The following CTDP1 variants were observed in gnomAD, a reference collection of about 807,000 sequenced individuals.
CTDP1 encodes the protein CTD phosphatase 1, also known as RNA polymerase II subunit A C-terminal domain phosphatase.
CTDP1 carries 47 observed loss-of-function variants against 91.8 expected under a neutral mutation model. That is an observed-to-expected ratio of 0.51 (90% CI 0.41 to 0.65). The LOEUF (loss-of-function observed/expected upper bound fraction) is 0.65. Ranked by LOEUF, CTDP1 falls within the 30% of genes least tolerant of loss-of-function variation. The pLI, the probability that CTDP1 is intolerant of heterozygous loss-of-function variation, is 0.00. For synonymous variants in CTDP1, 656 were observed against 598.5 expected (o/e 1.10, Z -1.40); for missense variants, 1,272 against 1,373.7 (o/e 0.93, Z 1.17).
intron 10 of CTDP1, among the ~76,000 whole-genome samples, chr18:79,724,173 C>T (rs540449541): frequency 4.6e-5 from 7 of 152,290 alleles, no homozygotes; most frequent in African/African-American, 1.7e-4. Flanking sequence ...TCAGAGCATT[C>T]GGATTTGGGG....
rs1362218388 is a variant in CTDP1, at chr18:79,718,207, G to C, written c.2417+191G>C. Among the ~76,000 whole-genome samples, 3 of 152,278 alleles carry C rather than the reference G, an allele frequency of 2.0e-5. No homozygotes were observed. The East Asian group carries it at 5.8e-4, about 29-fold the overall frequency. On this transcript the variant is annotated intron_variant, in intron 10 of 12. Coordinates refer to ENST00000613122, the MANE Select transcript of CTDP1 (RefSeq NM_004715.5). Reference sequence around the variant, plus strand: ...TTGGGTCCTTTTGTTTTTCTCTCCTGTCTTGGGTCCCAAAACTAAAACAAA... The same window carrying C: ...TTGGGTCCTTTTGTTTTTCTCTCCTCTCTTGGGTCCCAAAACTAAAACAAA...
chr18:79,747,481 G>A (rs1051583162), intron 12 of CTDP1, among the ~76,000 whole-genome samples: 10 of 152,198 alleles, frequency 6.6e-5, no homozygotes, highest in East Asian at 1.9e-4. Flanking sequence ...AGCTCTTGCC[G>A]CCTGCTTTCC....
Position 79,717,672 on chromosome 18 carries a change from C to G in CTDP1, c.2206C>G (p.Gln736Glu), listed in dbSNP as rs757802799. 21 of 1,614,042 alleles carry G rather than the reference C, an allele frequency of 1.3e-5. No homozygotes were observed. Among genetic ancestry groups the G allele is most frequent in the Non-Finnish European group, 1.8e-5 (21 of 1,179,982 alleles). The change falls in exon 9 of 13, where the codon CAG becomes GAG. Residue 736 changes from glutamine to glutamate, a missense_variant. By Grantham distance (29) the Gln-to-Glu change is conservative (BLOSUM62 2). This residue lies in a region of CTDP1 where 881 missense variants were observed against 911.6 expected (regional missense o/e 0.97). Coordinates refer to ENST00000613122, the MANE Select transcript of CTDP1 (RefSeq NM_004715.5). ...FPLRDDHTKA[Q>E]RENSPAAFPD... ...GCTCAGGGACGATCACACCAAGGCA[C>G]AGAGGTGGGTCCTCGCTGCACCCAG...
chr18:79,735,565 T>A (rs1480095127), intron 11 of CTDP1: 1 of 152,490 alleles, frequency 6.6e-6, no homozygotes, highest in Non-Finnish European at 1.5e-5. Flanking sequence ...TTTCTGTGCG[T>A]CCTTCTCCCA....
intron 1 of CTDP1, among the ~76,000 whole-genome samples, chr18:79,688,730 A>G (rs2122417050): frequency 6.6e-6 from 1 of 151,590 alleles, no homozygotes; most frequent in Non-Finnish European, 1.5e-5. Context: ...TTTTTAGTAG[A>G]GACGATTTCA....
At chr18:79,705,026 G>T in intron 5 of CTDP1, 109 bp downstream of exon 5, 1 of 1,530,920 alleles carries the variant, frequency 6.5e-7, no homozygotes, top group Admixed American at 1.8e-5. Context: ...CTGCAACTCA[G>T]TTGTAGTCTT....
rs517479 is a variant in CTDP1, at chr18:79,710,122, A to G, written c.773-224A>G. On this transcript the variant is annotated intron_variant, in intron 5 of 12. Transcript: ENST00000613122. ...ACAAATTTTTCATGTTAGTAGAATT[A>G]TAAACACTTATCAACATGGTTTGTG... is the stretch of plus-strand genomic sequence containing the variant. Among the ~76,000 whole-genome samples the G allele has an allele frequency of 0.76, 115,732 of 152,110 alleles. 44,296 individuals are homozygous for G. The highest frequency in any genetic ancestry group is 0.79 in the Middle Eastern group (233 of 294).
At chr18:79,747,897 C>T (rs900218557) in intron 12 of CTDP1, among the ~76,000 whole-genome samples, 4 of 152,216 alleles carry the variant, frequency 2.6e-5, no homozygotes, top group African/African-American at 9.6e-5. Context: ...GCCGCACTGA[C>T]GGATATCTTT....
At position 79,718,035 on chromosome 18, in the gene CTDP1, A is replaced by G. The variant is rs749426219; in HGVS notation, c.2417+19A>G. Reference sequence around the variant, plus strand: ...CCTTCAGGTACGTGGCGGCCCAGCCACTGTCCCCAGCTAATGAGGGCTCTT... The same window carrying G: ...CCTTCAGGTACGTGGCGGCCCAGCCGCTGTCCCCAGCTAATGAGGGCTCTT... On this transcript the variant is annotated intron_variant, in intron 10 of 12. Transcript: ENST00000613122. 13 of 1,611,980 alleles carry G rather than the reference A, an allele frequency of 8.1e-6. No individual in the cohort carries two copies. Among genetic ancestry groups the G allele is most frequent in the East Asian group, 4.5e-5 (2 of 44,886 alleles).
intron 5 of CTDP1, among the ~76,000 whole-genome samples, chr18:79,706,829 C>T (rs1004684625): frequency 7.2e-5 from 11 of 152,244 alleles, no homozygotes; most frequent in Admixed American, 4.6e-4. Flanking sequence ...GGGAGGGTGA[C>T]GGGTTTGCCT....
chr18:79,723,345 G>A (rs190947031), intron 10 of CTDP1, among the ~76,000 whole-genome samples: 8 of 152,248 alleles, frequency 5.3e-5, no homozygotes, highest in East Asian at 1.9e-4. Flanking sequence ...AGGTGGCCCC[G>A]TCTCCCCACC....
At position 79,710,683 on chromosome 18, in the gene CTDP1, G is replaced by A. The variant is rs186289786; in HGVS notation, c.863+247G>A. On this transcript the variant is annotated intron_variant, in intron 6 of 12. Transcript: ENST00000613122. Reference sequence around the variant, plus strand: ...CTACAGGCACCCACCACCTCGCCCGGCAATTTTTTTTTTTTTTTTTTTTTT... The same window carrying A: ...CTACAGGCACCCACCACCTCGCCCGACAATTTTTTTTTTTTTTTTTTTTTT... Among the ~76,000 whole-genome samples, 4,652 of 130,890 alleles carry A rather than the reference G, an allele frequency of 0.036. 127 individuals are homozygous for A. Among genetic ancestry groups the A allele is most frequent in the Middle Eastern group, 0.056 (13 of 234 alleles). The allele number at this position is 130,890 out of a possible 152,430, so 85.9% of individuals were successfully genotyped here.
intron 1 of CTDP1, among the ~76,000 whole-genome samples, chr18:79,687,968 G>A (rs1434875903): frequency 1.3e-5 from 2 of 152,342 alleles, no homozygotes; most frequent in East Asian, 3.9e-4. Context: ...TGGCAGTGTT[G>A]AAGCTTTCCA....
chr18:79,683,707 G>T (rs1328776194), intron 1 of CTDP1, among the ~76,000 whole-genome samples: 2 of 152,356 alleles, frequency 1.3e-5, no homozygotes, highest in Non-Finnish European at 2.9e-5. Flanking sequence ...TCCCTCAAGG[G>T]CTTACTGGTT....
intron 2 of CTDP1, among the ~76,000 whole-genome samples, chr18:79,695,619 G>A (rs779721076): frequency 5.9e-5 from 9 of 152,210 alleles, no homozygotes; most frequent in South Asian, 2.1e-4. Flanking sequence ...CCTCTGGGCC[G>A]CTGAGCGCCC....
chr18:79,746,735 A>G (rs2086890825), intron 12 of CTDP1, among the ~76,000 whole-genome samples: 1 of 152,080 alleles, frequency 6.6e-6, no homozygotes, highest in Non-Finnish European at 1.5e-5. Flanking sequence ...TCCCGCCTCA[A>G]CCTTCCAAGT....
intron 12 of CTDP1, among the ~76,000 whole-genome samples, chr18:79,748,332 G>A (rs973614632): frequency 5.9e-5 from 9 of 152,198 alleles, no homozygotes; most frequent in East Asian, 1.9e-4. Flanking sequence ...ATCACGGAGC[G>A]AGACCGAGGG....
chr18:79,693,499 G>A (rs2085665811), intron 1 of CTDP1, among the ~76,000 whole-genome samples: 1 of 152,162 alleles, frequency 6.6e-6, no homozygotes. Context: ...GGAAACAGAA[G>A]TGTTTTGGAT....
At chr18:79,698,340 T>C (rs907679709) in intron 4 of CTDP1, among the ~76,000 whole-genome samples, 3 of 151,936 alleles carry the variant, frequency 2.0e-5, no homozygotes, top group African/African-American at 4.8e-5. Flanking sequence ...GCAGTCTTGG[T>C]GGGGAGGACG....
Sources: allele counts gnomAD v4.1 joint callset (sites outside exome capture counted in the v4.1 genomes callset), GRCh38; gene constraint gnomAD v4.1.1; regional missense constraint gnomAD v4.1.1; transcripts MANE v1.5; gene names NCBI Gene and HGNC (gene_info 2026-07-23, HGNC 2026-07-21).